The following PHACTR1 variants were observed in gnomAD, a reference collection of about 807,000 sequenced individuals.
PHACTR1 encodes the protein phosphatase and actin regulator 1.
PHACTR1 carries 16 observed loss-of-function variants against 69.2 expected under a neutral mutation model. The ratio of observed to expected loss-of-function variants is 0.23; its 90% CI spans 0.16 to 0.35. The LOEUF (loss-of-function observed/expected upper bound fraction) is 0.35, where lower values mean the gene tolerates loss of function less well. PHACTR1 is among the 10% of genes least tolerant of loss of function. The pLI is 1.00. For synonymous variants in PHACTR1, 312 were observed against 284.5 expected, an observed-to-expected ratio of 1.10 and a Z score of -0.97; for missense variants, 510 against 734.7, an observed-to-expected ratio of 0.69 and a Z score of 3.54.
chr6:13,225,085 A>G (rs912933715), intron 8 of PHACTR1, among the ~76,000 whole-genome samples: 1 of 152,116 alleles, frequency 6.6e-6, no homozygotes, highest in Non-Finnish European at 1.5e-5. Flanking sequence ...GCTAACTTCT[A>G]TACTCTCCTT....
chr6:13,052,086 A>G (rs1427121624), intron 4 of PHACTR1, among the ~76,000 whole-genome samples: 10 of 152,196 alleles, frequency 6.6e-5, no homozygotes, highest in Non-Finnish European at 1.3e-4. Context: ...ATCTGCCTCC[A>G]GTCCTTCTGG....
chr6:12,936,792 G>C (rs1789499730), intron 4 of PHACTR1, among the ~76,000 whole-genome samples: 1 of 152,192 alleles, frequency 6.6e-6, no homozygotes, highest in Non-Finnish European at 1.5e-5. Flanking sequence ...AAATTAAAAA[G>C]AAGGCAAAAA....
At chr6:12,926,491 C>G (rs1488786405) in intron 4 of PHACTR1, among the ~76,000 whole-genome samples, 1 of 152,208 alleles carries the variant, frequency 6.6e-6, no homozygotes. Flanking sequence ...CCTACAGTTA[C>G]TTCGAATTCC....
chr6:13,195,756 TC>T (rs1323627361), intron 7 of PHACTR1, among the ~76,000 whole-genome samples: 1 of 8,178 alleles, frequency 1.2e-4, no homozygotes, highest in Non-Finnish European at 2.4e-4. Context: ...AGACACCGTC[TC>T]AAAAAAAAAA....
chr6:13,063,557 T>C (rs920309507), intron 5 of PHACTR1, among the ~76,000 whole-genome samples: 5 of 151,854 alleles, frequency 3.3e-5, no homozygotes, highest in Non-Finnish European at 5.9e-5. Context: ...GAGAATTACT[T>C]GAGCCCAGGA....
intron 8 of PHACTR1, among the ~76,000 whole-genome samples, chr6:13,207,075 GCA>G (rs1437528249): frequency 2.4e-4 from 37 of 152,122 alleles, no homozygotes; most frequent in Admixed American, 2.0e-3. Flanking sequence ...ATGCACACAT[GCA>G]CACGCACATG....
intron 4 of PHACTR1, among the ~76,000 whole-genome samples, chr6:12,865,205 A>G (rs1410923579): frequency 6.6e-6 from 1 of 152,148 alleles, no homozygotes; most frequent in African/African-American, 2.4e-5. Context: ...CTGGGAGGAC[A>G]CTGTGGGCAC....
At chr6:12,978,502 CT>C (rs1243649515) in intron 4 of PHACTR1, among the ~76,000 whole-genome samples, 1 of 152,192 alleles carries the variant, frequency 6.6e-6, no homozygotes, top group Non-Finnish European at 1.5e-5. Flanking sequence ...TGCCGTATCT[CT>C]CTTTTAAGAC....
intron 4 of PHACTR1, among the ~76,000 whole-genome samples, chr6:12,753,044 G>A (rs1034118666): frequency 8.5e-5 from 13 of 152,138 alleles, no homozygotes; most frequent in African/African-American, 3.1e-4. Flanking sequence ...TCTGTCGAAG[G>A]TTACCCAGAC....
At chr6:12,857,248 T>C (rs541379760) in intron 4 of PHACTR1, among the ~76,000 whole-genome samples, 13 of 152,318 alleles carry the variant, frequency 8.5e-5, no homozygotes, top group African/African-American at 3.1e-4. Context: ...GGTCAAATGT[T>C]ATTCTACAAG....
chr6:13,147,724 G>A (rs1823627117), intron 5 of PHACTR1, among the ~76,000 whole-genome samples: 1 of 152,134 alleles, frequency 6.6e-6, no homozygotes, highest in African/African-American at 2.4e-5. Flanking sequence ...ATGACTGAGT[G>A]TTTTATTCCC....
intron 4 of PHACTR1, among the ~76,000 whole-genome samples, chr6:13,011,737 C>T (rs549824264): frequency 3.7e-4 from 57 of 152,282 alleles, no homozygotes; most frequent in African/African-American, 9.4e-4. Context: ...TACACATTTA[C>T]GGAAACATGT....
At chr6:13,022,886 G>A (rs1355963610) in intron 4 of PHACTR1, among the ~76,000 whole-genome samples, 1 of 151,950 alleles carries the variant, frequency 6.6e-6, no homozygotes, top group African/African-American at 2.4e-5. Context: ...GTGTGGTGGT[G>A]CATGCCTGGA....
At chr6:12,973,279 CTAGATTAAATAATAT>C (rs554616030) in intron 4 of PHACTR1, among the ~76,000 whole-genome samples, 151 of 152,106 alleles carry the variant, frequency 9.9e-4, no homozygotes, top group African/African-American at 3.4e-3. Flanking sequence ...AAAAGCAAGA[CTAGATTAAATAATAT>C]TATTATTTAT....
intron 4 of PHACTR1, among the ~76,000 whole-genome samples, chr6:13,021,254 C>G (rs937907800): frequency 1.3e-5 from 2 of 152,178 alleles, no homozygotes; most frequent in African/African-American, 2.4e-5. Flanking sequence ...TGGAACCATG[C>G]AATATATGGT....
intron 4 of PHACTR1, among the ~76,000 whole-genome samples, chr6:12,814,436 C>T (rs1254262514): frequency 6.6e-6 from 1 of 152,224 alleles, no homozygotes; most frequent in African/African-American, 2.4e-5. Context: ...TGTCTCTTTG[C>T]TGTTTTAGTC....
chr6:13,211,285 C>G (rs754645721), intron 8 of PHACTR1, among the ~76,000 whole-genome samples: 31 of 152,066 alleles, frequency 2.0e-4, no homozygotes, highest in Admixed American at 3.9e-4. Context: ...ACCCCTCCCC[C>G]TGAGTCCCCA....
intron 4 of PHACTR1, among the ~76,000 whole-genome samples, chr6:12,887,594 C>G (rs1409639740): frequency 1.3e-5 from 2 of 152,170 alleles, no homozygotes; most frequent in African/African-American, 4.8e-5. Context: ...TTGTGGTTTT[C>G]TTACTCATGC....
intron 4 of PHACTR1, among the ~76,000 whole-genome samples, chr6:13,043,165 G>A (rs1382376797): frequency 3.9e-5 from 6 of 152,204 alleles, no homozygotes; most frequent in Non-Finnish European, 5.9e-5. Flanking sequence ...GGTGGCTCAC[G>A]CCTGTAATCC....
Sources: allele counts gnomAD v4.1 joint callset (sites outside exome capture counted in the v4.1 genomes callset), GRCh38; gene constraint gnomAD v4.1.1; transcripts MANE v1.5; gene names NCBI Gene and HGNC (gene_info 2026-07-23, HGNC 2026-07-21).